Variants in PRPF3 observed in about 807,000 individuals in gnomAD.
PRPF3 encodes the protein pre-mRNA processing factor 3.
A neutral mutation model predicts 89.2 loss-of-function variants in PRPF3; 3 were observed. That is an observed-to-expected ratio of 0.03 (90% CI 0.02 to 0.09). PRPF3 has a LOEUF of 0.09. Among genes scored for constraint, PRPF3 ranks in the 10% least tolerant of loss-of-function variants. The pLI is 1.00. For missense variants in PRPF3, 463 were observed against 828.8 expected (o/e 0.56, Z 5.42); for synonymous variants, 270 against 289.1 (o/e 0.93, Z 0.67).
In PRPF3 at chr1:150,344,560, A is replaced by G; in HGVS notation, c.1640+13A>G. ...TATCTGTATATAGGTAGGTGTCCAT[A>G]CTGGGCCAAACTTCCCCTTAGAATT... On this transcript the variant is annotated intron_variant, in intron 12 of 15. Coordinates refer to ENST00000324862, the MANE Select transcript of PRPF3 (RefSeq NM_004698.4). 1 of 1,612,814 alleles carries G rather than the reference A, an allele frequency of 6.2e-7. No homozygotes were observed.
At chr1:150,326,452 T>G (rs587723304) in intron 3 of PRPF3, among the ~76,000 whole-genome samples, 1 of 152,306 alleles carries the variant, frequency 6.6e-6, no homozygotes, top group East Asian at 1.9e-4. Flanking sequence ...CTACTACACT[T>G]TTTATTCTGT....
intron 6 of PRPF3, 118 bp downstream of exon 6, chr1:150,333,317 TG>T (rs1264593276): frequency 8.6e-6 from 10 of 1,166,206 alleles, no homozygotes; most frequent in Non-Finnish European, 1.2e-5. Context: ...CGTAGCACTT[TG>T]GGAGGCTGAG....
In PRPF3 at chr1:150,333,061, A is replaced by G. The variant is rs1439847269; in HGVS notation, c.590A>G (p.Asn197Ser). Residue 197 changes from asparagine to serine, a missense_variant, in exon 6 of 16, where the codon AAT becomes AGT. Physicochemically the swap from Asn to Ser is conservative, Grantham distance 46. Coordinates refer to ENST00000324862, the MANE Select transcript of PRPF3 (RefSeq NM_004698.4). ...IQPSQAATFM[N>S]DAIEKARKAA... Reference sequence around the variant, plus strand: ...CCCTCCCAGGCTGCCACTTTCATGAATGATGCCATTGAGAAGGCAAGGAAA... The same window carrying G: ...CCCTCCCAGGCTGCCACTTTCATGAGTGATGCCATTGAGAAGGCAAGGAAA... The G allele has an allele frequency of 6.2e-7, 1 of 1,614,056 alleles. No individual in the cohort carries two copies. The highest frequency in any genetic ancestry group is 8.5e-7 in the Non-Finnish European group (1 of 1,180,036).
intron 13 of PRPF3, 29 bp downstream of exon 13, chr1:150,346,165 TC>T: frequency 6.4e-7 from 1 of 1,572,716 alleles, no homozygotes; most frequent in Non-Finnish European, 8.8e-7. Context: ...AGGGAGACTG[TC>T]CCCAGACAAC....
At position 150,325,062 on chromosome 1, in the gene PRPF3, G is replaced by T; in HGVS notation, c.120G>T (p.Lys40Asn). Reference sequence around the variant, plus strand: ...CAGCAGCATTGAACTGTGTGGGGAAGGGCATGGACAAGAAGAAGGCAGCCG... The same window carrying T: ...CAGCAGCATTGAACTGTGTGGGGAATGGCATGGACAAGAAGAAGGCAGCCG... Reference protein sequence around the residue: ...VVTAALNCVGKGMDKKKAADH... With the variant: ...VVTAALNCVGNGMDKKKAADH... The change falls in exon 2 of 16, where the codon AAG (lysine) becomes AAT (asparagine). Residue 40 changes from lysine (K) to asparagine (N), a missense_variant. This residue lies in a region of PRPF3 where 33 missense variants were observed against 83.1 expected (regional missense o/e 0.40). Transcript: ENST00000324862. 1 of 1,613,706 alleles carries T rather than the reference G, an allele frequency of 6.2e-7. No homozygotes were observed. Among genetic ancestry groups the T allele is most frequent in the Non-Finnish European group, 8.5e-7 (1 of 1,179,852 alleles).
chr1:150,324,901 T>G lies in PRPF3; in HGVS notation c.-42T>G. On this transcript the variant is annotated 5_prime_UTR_variant, in exon 2 of 16. Transcript: ENST00000324862. ...GTCTCTTTTTTTTTTTTAGGTGTAG[T>G]ATTGAGTCCTGTTTGAGCTATTGTT... 1 of 1,541,400 alleles carries G rather than the reference T, an allele frequency of 6.5e-7. No homozygotes were observed. Among genetic ancestry groups the G allele is most frequent in the Non-Finnish European group, 8.9e-7 (1 of 1,128,504 alleles).
intron 6 of PRPF3, among the ~76,000 whole-genome samples, chr1:150,333,832 T>G (rs587701150): frequency 1.3e-5 from 2 of 152,304 alleles, no homozygotes; most frequent in South Asian, 4.1e-4. Context: ...GATCTGAGGT[T>G]CCTCTGCAAC....
chr1:150,323,480 A>G (rs1237980647), intron 1 of PRPF3, among the ~76,000 whole-genome samples: 1 of 151,540 alleles, frequency 6.6e-6, no homozygotes, highest in African/African-American at 2.4e-5. Flanking sequence ...TATTAAAACT[A>G]CGAAATTGGC....
At chr1:150,345,888 T>C in intron 12 of PRPF3, 130 bp from the exon 13 acceptor site, 2 of 771,546 alleles carry the variant, frequency 2.6e-6, no homozygotes, top group African/African-American at 1.7e-5. Context: ...AGCATTCATC[T>C]ATTTGTTTAC....
chr1:150,327,503 AG>A (rs1247485160), intron 3 of PRPF3: 1 of 924,514 alleles, frequency 1.1e-6, no homozygotes, highest in East Asian at 1.2e-4. Flanking sequence ...TGGTCCATTC[AG>A]GTCCCCACCC....
intron 4 of PRPF3, chr1:150,329,867 C>G (rs1196030912): frequency 1.3e-5 from 2 of 152,250 alleles, no homozygotes; most frequent in East Asian, 1.9e-4. Flanking sequence ...TCAAGTGATT[C>G]TCCTGCCTCA....
intron 14 of PRPF3, among the ~76,000 whole-genome samples, chr1:150,348,138 T>A (rs1658483188): frequency 6.6e-6 from 1 of 152,048 alleles, no homozygotes; most frequent in Non-Finnish European, 1.5e-5. Context: ...ATCCCAGCAC[T>A]TTGGGAGGCC....
chr1:150,335,575 C>T (rs1656877861), intron 7 of PRPF3, among the ~76,000 whole-genome samples: 1 of 152,118 alleles, frequency 6.6e-6, no homozygotes, highest in South Asian at 2.1e-4. Flanking sequence ...AAGTGATTCT[C>T]CTGCCTCAGC....
intron 8 of PRPF3, among the ~76,000 whole-genome samples, chr1:150,338,592 C>G (rs1207971537): frequency 6.6e-6 from 1 of 151,734 alleles, no homozygotes; most frequent in Non-Finnish European, 1.5e-5. Context: ...CCTCCACCTC[C>G]CGGGTTCAAG....
chr1:150,344,964 A>G (rs1658133701), intron 12 of PRPF3, among the ~76,000 whole-genome samples: 1 of 151,272 alleles, frequency 6.6e-6, no homozygotes, highest in Non-Finnish European at 1.5e-5. Flanking sequence ...CTCCGTAGTC[A>G]TATCCTTACC....
intron 15 of PRPF3, among the ~76,000 whole-genome samples, chr1:150,351,341 C>T (rs1440633546): frequency 6.6e-6 from 1 of 151,994 alleles, no homozygotes; most frequent in African/African-American, 2.4e-5. Context: ...AGTTTTTCTT[C>T]TGAAGGAGCA....
chr1:150,323,593 C>T (rs1425636779), intron 1 of PRPF3, among the ~76,000 whole-genome samples: 2 of 148,668 alleles, frequency 1.3e-5, no homozygotes, highest in Non-Finnish European at 3.0e-5. Context: ...CAAGATTACG[C>T]CACTGCACTC....
At chr1:150,334,906 G>A (rs782266547) in intron 6 of PRPF3, 29 bp from the exon 7 acceptor site, 17 of 1,612,988 alleles carry the variant, frequency 1.1e-5, no homozygotes, top group Non-Finnish European at 1.4e-5. Flanking sequence ...TTCCATACAG[G>A]ATTTATTTCT....
At chr1:150,326,909 T>A (rs1421619489) in intron 3 of PRPF3, among the ~76,000 whole-genome samples, 2 of 152,152 alleles carry the variant, frequency 1.3e-5, no homozygotes, top group African/African-American at 4.8e-5. Flanking sequence ...TCACGTATTA[T>A]AAAATCTAAG....
Sources: allele counts gnomAD v4.1 joint callset (sites outside exome capture counted in the v4.1 genomes callset), GRCh38; gene constraint gnomAD v4.1.1; regional missense constraint gnomAD v4.1.1; transcripts MANE v1.5; gene names NCBI Gene and HGNC (gene_info 2026-07-23, HGNC 2026-07-21).